TNRC6B: variants seen among roughly 807,000 people sequenced by gnomAD.
The protein encoded by TNRC6B is trinucleotide repeat-containing gene 6B protein.
A neutral mutation model predicts 203.6 loss-of-function variants in TNRC6B; 52 were observed. The observed-to-expected ratio is 0.26, with a 90% CI of 0.20 to 0.32. The LOEUF is 0.32. Ranked by LOEUF, TNRC6B falls within the 10% of genes least tolerant of loss-of-function variation. The pLI is 1.00. For synonymous variants in TNRC6B, 838 were observed against 845.7 expected (o/e 0.99, Z 0.16); for missense variants, 1,923 against 2,286.2 (o/e 0.84, Z 3.24).
chr22:40,266,768 A>G lies in TNRC6B; in HGVS notation c.2538A>G (p.Pro846=), dbSNP rs1601471045. Residue 846 remains proline (P), a synonymous_variant, in exon 5 of 23, where the codon CCA becomes CCG. Transcript: ENST00000454349. The stretch of plus-strand genomic sequence containing the variant: ...GTTCGTGGGGAGGCCCACCCCCACC[A>G]CCTCCAGGCAACGTTCGACCTTCCA... ...ASGSWGGPPP[P]PPGNVRPSNS... The G allele has an allele frequency of 3.1e-6, 5 of 1,612,966 alleles. No individual in the cohort carries two copies. The highest frequency in any genetic ancestry group is 1.1e-5 in the South Asian group (1 of 90,978).
At chr22:40,230,504 C>G (rs2069854245) in intron 1 of TNRC6B, among the ~76,000 whole-genome samples, 1 of 152,010 alleles carries the variant, frequency 6.6e-6, no homozygotes, top group African/African-American at 2.4e-5. Context: ...GTTGGCCAGA[C>G]TGATCTCGAA....
intron 21 of TNRC6B, among the ~76,000 whole-genome samples, chr22:40,320,411 T>G (rs1415461312): frequency 6.6e-6 from 1 of 152,024 alleles, no homozygotes; most frequent in East Asian, 1.9e-4. Flanking sequence ...ACCTGGGAGG[T>G]GGAGGTTGCA....
chr22:40,250,029 G>T (rs1447852683), intron 2 of TNRC6B, among the ~76,000 whole-genome samples: 1 of 152,198 alleles, frequency 6.6e-6, no homozygotes, highest in African/African-American at 2.4e-5. Context: ...TTCCAGGGAT[G>T]ATTGTGTTTT....
At chr22:40,301,092 CT>C in intron 14 of TNRC6B, 57 bp from the exon 15 acceptor site, 1 of 1,559,272 alleles carries the variant, frequency 6.4e-7, no homozygotes, top group Non-Finnish European at 8.7e-7. Flanking sequence ...CGGGCACAGT[CT>C]TTTCCTGGGA....
chr22:40,181,162 C>T (rs982749245), intron 1 of TNRC6B, among the ~76,000 whole-genome samples: 2 of 152,296 alleles, frequency 1.3e-5, no homozygotes, highest in East Asian at 3.9e-4. Flanking sequence ...TGTGGCCACT[C>T]GGATGGTCCT....
intron 12 of TNRC6B, among the ~76,000 whole-genome samples, chr22:40,295,399 G>A (rs1334152025): frequency 2.0e-5 from 3 of 151,174 alleles, no homozygotes; most frequent in Non-Finnish European, 4.4e-5. Context: ...GCTTGAGCCC[G>A]AGAGGTGGAG....
rs559105237 is a variant in TNRC6B, at chr22:40,161,180, A to G, written c.113+4998A>G. Among the ~76,000 whole-genome samples the G allele has an allele frequency of 3.2e-4, 48 of 152,298 alleles. No individual in the cohort carries two copies. The South Asian group carries it at 9.7e-3, about 31-fold the overall frequency. ...TTCATGTTTTATGCTTGCCTTGAGA[A>G]GTCTTTCCTATCCTAACCTGATAAA... On this transcript the variant is annotated intron_variant, in intron 4 of 23. Coordinates refer to the TNRC6B transcript ENST00000301923.
intron 1 of TNRC6B, among the ~76,000 whole-genome samples, chr22:40,224,224 C>T (rs1332355607): frequency 1.3e-5 from 2 of 152,066 alleles, no homozygotes; most frequent in Non-Finnish European, 2.9e-5. Flanking sequence ...AGGCTGGTCT[C>T]GAACTCCTGA....
chr22:40,103,550 AGTTT>A (rs1377241089), intron 1 of TNRC6B, among the ~76,000 whole-genome samples: 12 of 152,174 alleles, frequency 7.9e-5, no homozygotes, highest in African/African-American at 2.4e-4. Context: ...GATTTACCAC[AGTTT>A]GTTTATCTAT....
chr22:40,121,693 A>G (rs982353859), intron 2 of TNRC6B, among the ~76,000 whole-genome samples: 1 of 152,228 alleles, frequency 6.6e-6, no homozygotes, highest in East Asian at 1.9e-4. Context: ...TACCAGCATC[A>G]CCACCACCGC....
intron 1 of TNRC6B, among the ~76,000 whole-genome samples, chr22:40,214,367 T>C (rs1202620317): frequency 6.6e-6 from 1 of 152,134 alleles, no homozygotes; most frequent in Admixed American, 6.5e-5. Context: ...TGTATAGAAC[T>C]AAATACACAC....
intron 1 of TNRC6B, among the ~76,000 whole-genome samples, chr22:40,112,587 G>C (rs2068348218): frequency 6.6e-6 from 1 of 152,204 alleles, no homozygotes; most frequent in African/African-American, 2.4e-5. Flanking sequence ...CAGGAAAGGA[G>C]CTCCCAAATG....
chr22:40,166,789 G>A (rs767486512), intron 4 of TNRC6B, among the ~76,000 whole-genome samples: 2 of 151,994 alleles, frequency 1.3e-5, no homozygotes, highest in Non-Finnish European at 2.9e-5. Flanking sequence ...CAGCTACTCA[G>A]GAGGCTAAGG....
At chr22:40,126,840 C>A (rs980995561) in intron 3 of TNRC6B, among the ~76,000 whole-genome samples, 41 of 151,268 alleles carry the variant, frequency 2.7e-4, no homozygotes, top group Admixed American at 2.6e-3. Context: ...CTCCACCCAC[C>A]TAGGTCTTCC....
rs2071410260 is a variant in TNRC6B at position 40,326,900 on chromosome 22, TAC to T, written c.*3660_*3661del. 6.5e-6 allele frequency: 1 copy of T among 152,672 alleles called. No homozygotes were observed. Among genetic ancestry groups the T allele is most frequent in the Non-Finnish European group, 1.5e-5 (1 of 68,054 alleles). 9.5% of individuals were successfully genotyped at this position (152,672 alleles called of 1,614,324 possible). On this transcript the variant is annotated 3_prime_UTR_variant, in exon 23 of 23. Coordinates refer to ENST00000454349, the MANE Select transcript of TNRC6B (RefSeq NM_001162501.2). ...GAATCTAATAAGGAACAAGTGATTTTACTTTTTTAGCTCCCAGCTACTGTTGT... is the reference window on the plus strand; with the variant it reads ...GAATCTAATAAGGAACAAGTGATTTTTTTTTTAGCTCCCAGCTACTGTTGT...
intron 1 of TNRC6B, among the ~76,000 whole-genome samples, chr22:40,245,252 G>A (rs1038133468): frequency 6.6e-6 from 1 of 151,726 alleles, no homozygotes; most frequent in South Asian, 2.1e-4. Flanking sequence ...CACCATGCCC[G>A]GCTAATTTTT....
At chr22:40,122,852 C>CT (rs1298245217) in intron 2 of TNRC6B, among the ~76,000 whole-genome samples, 2 of 152,194 alleles carry the variant, frequency 1.3e-5, no homozygotes, top group African/African-American at 4.8e-5. Context: ...CTCAGAATAA[C>CT]TACTATTCCC....
intron 3 of TNRC6B, among the ~76,000 whole-genome samples, chr22:40,256,104 A>G (rs1185089193): frequency 6.6e-6 from 1 of 152,176 alleles, no homozygotes; most frequent in East Asian, 1.9e-4. Flanking sequence ...TATTGATTGG[A>G]TAATGATATG....
At chr22:40,124,188 C>T (rs1425887446) in intron 2 of TNRC6B, among the ~76,000 whole-genome samples, 1 of 152,144 alleles carries the variant, frequency 6.6e-6, no homozygotes, top group East Asian at 1.9e-4. Context: ...CAACAGCTTC[C>T]TGGAAGTGCC....
Sources: gnomAD v4.1 joint callset for allele counts (sites outside exome capture counted in the v4.1 genomes callset) on GRCh38, gnomAD v4.1.1 for gene constraint, MANE v1.5 for transcripts, NCBI Gene and HGNC (gene_info 2026-07-23, HGNC 2026-07-21) for gene names.